PDK1: variants seen among roughly 807,000 people sequenced by gnomAD.
The protein encoded by PDK1 is pyruvate dehydrogenase kinase 1.
PDK1 carries 39 observed loss-of-function variants against 54.2 expected under a neutral mutation model. The ratio of observed to expected loss-of-function variants is 0.72; its 90% confidence interval spans 0.56 to 0.94. The LOEUF is 0.94. Among genes scored for constraint, PDK1 ranks in the 40% least tolerant of loss-of-function variants. PDK1 has a pLI of 0.00. For synonymous variants in PDK1, 221 were observed against 207.1 expected, an observed-to-expected ratio of 1.07 and a Z score of -0.58; for missense variants, 552 against 566.0, an observed-to-expected ratio of 0.98 and a Z score of 0.25.
the PDK1 span, among the ~76,000 whole-genome samples, chr2:172,627,871 G>A: frequency 6.6e-6 from 1 of 152,142 alleles, no homozygotes; most frequent in Non-Finnish European, 1.5e-5. Context: ...ACATCCACTT[G>A]CACGTAGACC....
At chr2:172,632,419 C>T in the PDK1 span, among the ~76,000 whole-genome samples, 109,089 of 152,072 alleles carry the variant, frequency 0.72, 39,504 homozygotes, top group Non-Finnish European at 0.77. Flanking sequence ...TTTAGATCTT[C>T]CTTCGTGAAA....
intron 10 of PDK1, among the ~76,000 whole-genome samples, chr2:172,594,558 C>T (rs993078305): frequency 1.3e-5 from 2 of 152,164 alleles, no homozygotes; most frequent in Admixed American, 1.3e-4. Context: ...CGCATGCAGC[C>T]TGTGGGCTGT....
chr2:172,632,857 G>GT, the PDK1 span, among the ~76,000 whole-genome samples: 7 of 151,396 alleles, frequency 4.6e-5, no homozygotes, highest in South Asian at 1.5e-3. Context: ...GCGCGCACCT[G>GT]TAGTCCCAGC....
the PDK1 span, among the ~76,000 whole-genome samples, chr2:172,643,163 T>TA: frequency 1.8e-4 from 28 of 152,346 alleles, no homozygotes; most frequent in East Asian, 5.0e-3. Context: ...TATAAGCCAT[T>TA]AGCCAAATGG....
At chr2:172,700,467 C>T in the PDK1 span, among the ~76,000 whole-genome samples, 1 of 151,374 alleles carries the variant, frequency 6.6e-6, no homozygotes, top group Admixed American at 6.6e-5. Flanking sequence ...AGAGACGCTC[C>T]TCACTTCCTA....
At chr2:172,574,037 A>G (rs1689443081) in intron 8 of PDK1, among the ~76,000 whole-genome samples, 1 of 152,172 alleles carries the variant, frequency 6.6e-6, no homozygotes. Context: ...ACTTATGCCT[A>G]TGTTTCTAAG....
intron 5 of PDK1, among the ~76,000 whole-genome samples, chr2:172,565,556 C>T (rs1488731575): frequency 1.3e-5 from 2 of 151,650 alleles, no homozygotes; most frequent in Non-Finnish European, 1.5e-5. Flanking sequence ...CTGCCTCGGC[C>T]TCCCAAAGAG....
intron 8 of PDK1, among the ~76,000 whole-genome samples, chr2:172,577,993 TTTCTTGATAGC>T (rs1309468448): frequency 6.6e-6 from 1 of 152,220 alleles, no homozygotes; most frequent in Non-Finnish European, 1.5e-5. Flanking sequence ...CCCTTTGGTA[TTTCTTGATAGC>T]CCATGTCTGT....
chr2:172,712,417 G>A, the PDK1 span, among the ~76,000 whole-genome samples: 4 of 152,282 alleles, frequency 2.6e-5, no homozygotes, highest in East Asian at 3.9e-4. Flanking sequence ...CTTGGCTTTC[G>A]CTACTGGCTC....
At chr2:172,571,358 G>C (rs929137720) in intron 8 of PDK1, among the ~76,000 whole-genome samples, 1 of 152,092 alleles carries the variant, frequency 6.6e-6, no homozygotes, top group Non-Finnish European at 1.5e-5. Flanking sequence ...TTGTTCAGGT[G>C]GCCCAGTTTC....
the PDK1 span, among the ~76,000 whole-genome samples, chr2:172,721,427 A>G: frequency 3.9e-5 from 6 of 152,192 alleles, no homozygotes; most frequent in Non-Finnish European, 7.4e-5. Flanking sequence ...TGCAACCTCC[A>G]TCTCTCAGGT....
intron 8 of PDK1, among the ~76,000 whole-genome samples, chr2:172,571,036 G>A (rs188161067): frequency 2.6e-5 from 4 of 152,224 alleles, no homozygotes; most frequent in African/African-American, 9.6e-5. Context: ...CCCCGTCGAG[G>A]TGATTCAAGT....
chr2:172,560,414 C>T (rs561777900), intron 2 of PDK1, among the ~76,000 whole-genome samples: 1 of 152,320 alleles, frequency 6.6e-6, no homozygotes, highest in South Asian at 2.1e-4. Flanking sequence ...GCAGTCCTCT[C>T]ACCTTGGCTT....
chr2:172,690,435 C>G, the PDK1 span, among the ~76,000 whole-genome samples: 2 of 150,408 alleles, frequency 1.3e-5, no homozygotes, highest in Admixed American at 6.8e-5. Context: ...TTGTGGAAGA[C>G]AGTGTGGCGA....
At chr2:172,577,021 A>G (rs146559654) in intron 8 of PDK1, among the ~76,000 whole-genome samples, 2,369 of 152,244 alleles carry the variant, frequency 0.016, 25 homozygotes, top group South Asian at 0.048. Flanking sequence ...TGTAATTGTT[A>G]TATCCATTGT....
intron 7 of PDK1, among the ~76,000 whole-genome samples, 191 bp downstream of exon 7, chr2:172,569,008 A>G (rs1689111370): frequency 6.6e-6 from 1 of 152,196 alleles, no homozygotes; most frequent in Non-Finnish European, 1.5e-5. Context: ...AGCTCAGACT[A>G]TGGAGTCAGA....
chr2:172,655,803 C>T, the PDK1 span, among the ~76,000 whole-genome samples: 6 of 152,188 alleles, frequency 3.9e-5, no homozygotes, highest in Non-Finnish European at 8.8e-5. Context: ...GGACCCTCTG[C>T]CTTTCTGTAA....
chr2:172,641,566 C>A, the PDK1 span, among the ~76,000 whole-genome samples: 1 of 152,014 alleles, frequency 6.6e-6, no homozygotes, highest in East Asian at 1.9e-4. Context: ...CTCAGCCTCC[C>A]GAGTAGCTGG....
the PDK1 span, among the ~76,000 whole-genome samples, chr2:172,642,031 A>G: frequency 6.6e-6 from 1 of 152,120 alleles, no homozygotes; most frequent in Non-Finnish European, 1.5e-5. Flanking sequence ...AACAAATCCA[A>G]AAGAAAGTTA....
Sources: gnomAD v4.1 joint callset for allele counts (sites outside exome capture counted in the v4.1 genomes callset) on GRCh38, gnomAD v4.1.1 for gene constraint, MANE v1.5 for transcripts, NCBI Gene and HGNC (gene_info 2026-07-23, HGNC 2026-07-21) for gene names.